The following ADGRL3 variants were observed in gnomAD, a reference collection of about 807,000 sequenced individuals.
ADGRL3 encodes the protein calcium-independent alpha-latrotoxin receptor 3.
Under a neutral mutation model 153.5 loss-of-function variants are expected in ADGRL3, and 62 were observed. The ratio of observed to expected loss-of-function variants is 0.40; its 90% CI spans 0.33 to 0.50. The LOEUF (loss-of-function observed/expected upper bound fraction) is 0.50, where lower values mean the gene tolerates loss of function less well. Ranked by LOEUF, ADGRL3 falls within the 20% of genes least tolerant of loss-of-function variation. ADGRL3 has a pLI of 0.47. For synonymous variants in ADGRL3, 710 were observed against 672.5 expected (o/e 1.06, Z -0.86); for missense variants, 1,641 against 1,859.4 (o/e 0.88, Z 2.16).
At chr4:61,724,810 G>A (rs1218468456) in intron 6 of ADGRL3, among the ~76,000 whole-genome samples, 1 of 151,832 alleles carries the variant, frequency 6.6e-6, no homozygotes, top group Non-Finnish European at 1.5e-5. Flanking sequence ...TGTATTTCTT[G>A]GTAGAAGTGA....
chr4:61,473,150 T>C (rs1432102792), intron 2 of ADGRL3, among the ~76,000 whole-genome samples: 1 of 151,932 alleles, frequency 6.6e-6, no homozygotes, highest in Non-Finnish European at 1.5e-5. Flanking sequence ...CCAACAGTCA[T>C]TGGTTGATAA....
intron 9 of ADGRL3, among the ~76,000 whole-genome samples, chr4:61,831,443 A>AAAAAG (rs2097867868): frequency 7.4e-6 from 1 of 135,596 alleles, no homozygotes; most frequent in African/African-American, 2.8e-5. Flanking sequence ...AAAAAAAAAA[A>AAAAAG]GATGCTAAGT....
intron 3 of ADGRL3, 54 bp downstream of exon 3, chr4:61,497,402 C>G (rs1401488652): frequency 6.3e-6 from 7 of 1,119,956 alleles, no homozygotes; most frequent in Non-Finnish European, 9.2e-6. Flanking sequence ...CTTATTCATA[C>G]TGGACACTTC....
rs11436954 is a variant in ADGRL3, at chr4:61,445,057, G to GAAA, written c.-173-52057_-173-52055dup. Among the ~76,000 whole-genome samples the GAAA allele has an allele frequency of 1.4e-3, 212 of 151,132 alleles. 1 individual carries two copies. The highest frequency in any genetic ancestry group is 1.7e-3 in the Non-Finnish European group (118 of 67,796). The stretch of plus-strand genomic sequence containing the variant: ...AAAGAGTGAGACCCTGTCTAAAAAA[G>GAAA]AAAAAAAAATGCTTATACTTCAAAT... On this transcript the variant is annotated intron_variant, in intron 2 of 26. Coordinates refer to ENST00000683033, the MANE Select transcript of ADGRL3 (RefSeq NM_001387552.1).
intron 1 of ADGRL3, among the ~76,000 whole-genome samples, chr4:61,349,370 T>C (rs1385001682): frequency 6.6e-6 from 1 of 152,152 alleles, no homozygotes; most frequent in African/African-American, 2.4e-5. Flanking sequence ...AGAACCATTA[T>C]GTGTTTTTTA....
chr4:61,682,948 G>A lies in ADGRL3; in HGVS notation c.583+6013G>A, dbSNP rs149727851. ...TCCTTCAAGGAGTTCAGTCAAGTGG[G>A]GCTTAGAGTCCCTAAATTTACAATG... On this transcript the variant is annotated intron_variant, in intron 6 of 26. Transcript: ENST00000683033. Among the ~76,000 whole-genome samples the A allele has an allele frequency of 9.9e-5, 15 of 151,960 alleles. No homozygotes were observed. The East Asian group carries it at 2.7e-3, about 27-fold the overall frequency.
At chr4:61,389,648 A>G (rs1243918577) in intron 2 of ADGRL3, among the ~76,000 whole-genome samples, 1 of 152,106 alleles carries the variant, frequency 6.6e-6, no homozygotes, top group Non-Finnish European at 1.5e-5. Flanking sequence ...ATGTTTTCTA[A>G]TTAATTTCAA....
chr4:61,641,257 A>C (rs889078087), intron 5 of ADGRL3, among the ~76,000 whole-genome samples: 3 of 125,144 alleles, frequency 2.4e-5, no homozygotes, highest in African/African-American at 6.0e-5. Flanking sequence ...AGTAAATAAA[A>C]ATAAATCCTA....
At chr4:61,401,593 T>C (rs2096930843) in intron 2 of ADGRL3, among the ~76,000 whole-genome samples, 1 of 152,016 alleles carries the variant, frequency 6.6e-6, no homozygotes, top group African/African-American at 2.4e-5. Context: ...TAAGTTTTGC[T>C]AAGTTTATTA....
rs111434102 is a variant in ADGRL3 at position 61,699,969 on chromosome 4, A to C, written c.583+23034A>C. On this transcript the variant is annotated intron_variant, in intron 6 of 26. Transcript: ENST00000683033. ...AGATACACACACACACACACACACA[A>C]AAACACACACAGAGAGAGAGAGAGA... 2.5e-3 allele frequency among the ~76,000 whole-genome samples: 378 copies of C among 150,780 alleles called. 6 individuals are homozygous for C. The highest frequency in any genetic ancestry group is 8.0e-3 in the African/African-American group (329 of 41,186).
chr4:61,799,669 A>G (rs1347307495), intron 8 of ADGRL3, among the ~76,000 whole-genome samples: 1 of 152,082 alleles, frequency 6.6e-6, no homozygotes, highest in East Asian at 1.9e-4. Flanking sequence ...CTCAGGCAAC[A>G]ATATGCTCTT....
intron 9 of ADGRL3, among the ~76,000 whole-genome samples, chr4:61,846,711 C>A (rs34764145): frequency 6.6e-6 from 1 of 151,706 alleles, no homozygotes; most frequent in Non-Finnish European, 1.5e-5. Context: ...TTCTGCAGGT[C>A]GTACAGGAAA....
At chr4:62,012,873 A>G (rs1422713200) in intron 21 of ADGRL3, among the ~76,000 whole-genome samples, 1 of 152,188 alleles carries the variant, frequency 6.6e-6, no homozygotes, top group Non-Finnish European at 1.5e-5. Flanking sequence ...CAGCGTTATT[A>G]GTATGTAAAG....
In ADGRL3 at chr4:61,915,187, A is replaced by G. The variant is rs919661896; in HGVS notation, c.2112+2430A>G. Among the ~76,000 whole-genome samples, 6 of 150,864 alleles carry G rather than the reference A, an allele frequency of 4.0e-5. No homozygotes were observed. In the Admixed American group the frequency reaches 4.0e-4, roughly 10 times the overall value. On this transcript the variant is annotated intron_variant, in intron 13 of 26. Transcript: ENST00000683033. ...AATCTTTTTGTATAAGAAACTGTTC[A>G]GGTTTATTTTTCTAAGGTTTTGGGG...
intron 1 of ADGRL3, among the ~76,000 whole-genome samples, chr4:61,367,014 A>G (rs1027647844): frequency 2.0e-5 from 3 of 152,168 alleles, no homozygotes; most frequent in Non-Finnish European, 2.9e-5. Context: ...ATGATTGTAA[A>G]CAATGTTCTT....
At chr4:61,720,687 G>A (rs2096227053) in intron 6 of ADGRL3, among the ~76,000 whole-genome samples, 1 of 152,122 alleles carries the variant, frequency 6.6e-6, no homozygotes, top group Non-Finnish European at 1.5e-5. Context: ...TCTTGAATGT[G>A]GCACTTACTA....
intron 6 of ADGRL3, among the ~76,000 whole-genome samples, chr4:61,728,629 G>A (rs1580483949): frequency 6.6e-6 from 1 of 151,996 alleles, no homozygotes; most frequent in Non-Finnish European, 1.5e-5. Context: ...GAGCATTTTT[G>A]TATTTTAGAA....
intron 9 of ADGRL3, among the ~76,000 whole-genome samples, chr4:61,845,472 T>A (rs1238825552): frequency 1.3e-5 from 2 of 151,856 alleles, no homozygotes; most frequent in African/African-American, 4.8e-5. Flanking sequence ...CACCTCAGCC[T>A]CCTGATTAGC....
intron 23 of ADGRL3, among the ~76,000 whole-genome samples, chr4:62,033,820 T>C (rs1010865722): frequency 1.3e-5 from 2 of 151,840 alleles, no homozygotes; most frequent in Non-Finnish European, 2.9e-5. Flanking sequence ...ATTTTTTTAC[T>C]AACTCATTAA....
Sources: gnomAD v4.1 joint callset for allele counts (sites outside exome capture counted in the v4.1 genomes callset) on GRCh38, gnomAD v4.1.1 for gene constraint, MANE v1.5 for transcripts, NCBI Gene and HGNC (gene_info 2026-07-23, HGNC 2026-07-21) for gene names.